The following PGD variants were observed in gnomAD, a reference collection of about 807,000 sequenced individuals.
PGD encodes the protein 6-phosphogluconate dehydrogenase, decarboxylating.
PGD carries 21 observed loss-of-function variants against 60.4 expected under a neutral mutation model. The ratio of observed to expected loss-of-function variants is 0.35; its 90% confidence interval spans 0.25 to 0.50. PGD has a LOEUF of 0.50. Among genes scored for constraint, PGD ranks in the 20% least tolerant of loss-of-function variants. PGD has a pLI of 0.98. For missense variants in PGD, 477 were observed against 613.1 expected, an observed-to-expected ratio of 0.78 and a Z score of 2.34; for synonymous variants, 230 against 235.9, an observed-to-expected ratio of 0.97 and a Z score of 0.23.
intron 4 of PGD, among the ~76,000 whole-genome samples, chr1:10,403,440 A>C (rs1252167678): frequency 6.6e-6 from 1 of 151,950 alleles, no homozygotes; most frequent in Non-Finnish European, 1.5e-5. Flanking sequence ...AAATACAAAA[A>C]ATTAGCCTGG....
Position 10,399,102 on chromosome 1 carries a change from T to G in PGD, c.-16T>G, listed in dbSNP as rs1639262636. The G allele has an allele frequency of 2.5e-6, 4 of 1,609,868 alleles. No individual in the cohort carries two copies. Among genetic ancestry groups the G allele is most frequent in the Middle Eastern group, 1.7e-4 (1 of 5,922 alleles). ...TCCGCGCGTCGCCGCTCTTCGGTTC[T>G]GCTCTGTCCGCCGCCATGGCCCAGT... On this transcript the variant is annotated 5_prime_UTR_variant, in exon 1 of 13. Coordinates refer to ENST00000270776, the MANE Select transcript of PGD (RefSeq NM_002631.4).
intron 4 of PGD, 63 bp downstream of exon 4, chr1:10,403,199 A>G (rs1639343649): frequency 5.3e-6 from 6 of 1,128,208 alleles, no homozygotes; most frequent in South Asian, 1.2e-5. Context: ...AAGTGTCAGC[A>G]TCGCATATGT....
At chr1:10,417,607 G>A in intron 10 of PGD, 98 bp downstream of exon 10, 1 of 1,251,390 alleles carries the variant, frequency 8.0e-7, no homozygotes, top group Non-Finnish European at 1.1e-6. Flanking sequence ...TCCAGGGATG[G>A]GCACTTAGCC....
At chr1:10,411,621 T>A in intron 7 of PGD, 69 bp downstream of exon 7, 1 of 1,582,054 alleles carries the variant, frequency 6.3e-7, no homozygotes, top group South Asian at 1.1e-5. Context: ...ACACCGAATC[T>A]TTTCTTCATT....
At chr1:10,407,989 C>A (rs547223241) in intron 5 of PGD, 82 bp from the exon 6 acceptor site, 1 of 805,922 alleles carries the variant, frequency 1.2e-6, no homozygotes, top group South Asian at 1.3e-5. Flanking sequence ...GGGTTGGTGT[C>A]TATGGGTATG....
chr1:10,419,395 T>C (rs757402952), intron 11 of PGD, 22 bp from the exon 12 acceptor site: 14 of 1,607,274 alleles, frequency 8.7e-6, no homozygotes, highest in Non-Finnish European at 1.1e-5. Context: ...CACTAATCTC[T>C]GGCCGTGCGT....
rs1639324483 is a variant in PGD, at chr1:10,402,031, T to TA, written c.265-1038dup. Among the ~76,000 whole-genome samples, 7 of 144,850 alleles carry TA rather than the reference T, an allele frequency of 4.8e-5. No homozygotes were observed. The East Asian group carries it at 6.7e-4, about 14-fold the overall frequency. On this transcript the variant is annotated intron_variant, in intron 3 of 12. Coordinates refer to ENST00000270776, the MANE Select transcript of PGD (RefSeq NM_002631.4). Reference sequence around the variant, plus strand: ...CTCCGTCTCAAATAAATAAATAAATTAATTAATTAATTAATAAAGTAATAA... The same window carrying TA: ...CTCCGTCTCAAATAAATAAATAAATTAAATTAATTAATTAATAAAGTAATAA...
At position 10,399,136 on chromosome 1, in the gene PGD, C is replaced by A; in HGVS notation, c.8+11C>A. 6.2e-7 allele frequency: 1 copy of A among 1,608,780 alleles called. No individual in the cohort carries two copies. Among genetic ancestry groups the A allele is most frequent in the Non-Finnish European group, 8.5e-7 (1 of 1,179,472 alleles). On this transcript the variant is annotated intron_variant, in intron 1 of 12. Transcript: ENST00000270776. ...CGCCGCCATGGCCCAGTGAGTGACT[C>A]GCCAGGGGCAGCCCGGCTCGGCCTC...
At chr1:10,412,994 T>C (rs1639523816) in intron 7 of PGD, 68 bp from the exon 8 acceptor site, 1 of 1,384,954 alleles carries the variant, frequency 7.2e-7, no homozygotes, top group African/African-American at 1.4e-5. Context: ...GCGTGGACAT[T>C]GGACAAGGGG....
rs764447314 is a variant in PGD, at chr1:10,419,678, C to T, written c.1381C>T (p.Pro461Ser). The T allele has an allele frequency of 1.2e-6, 2 of 1,614,210 alleles. No individual in the cohort carries two copies. Among genetic ancestry groups the T allele is most frequent in the Admixed American group, 3.3e-5 (2 of 60,016 alleles). The change falls in exon 13 of 13, where the codon CCA becomes TCA. Residue 461 changes from proline (P) to serine (S), a missense_variant. Around this residue, in one of 3 missense-constraint regions of PGD, gnomAD observed 44 missense variants for 40.3 expected, o/e 1.09. Coordinates refer to ENST00000270776, the MANE Select transcript of PGD (RefSeq NM_002631.4). ...GAHTYELLAK[P>S]GQFIHTNWTG... is the part of the protein sequence containing the mutation. ...TCACACCTATGAACTCTTGGCCAAACCAGGGCAGTTTATCCACACCAACTG... is the reference window on the plus strand; with the variant it reads ...TCACACCTATGAACTCTTGGCCAAATCAGGGCAGTTTATCCACACCAACTG...
intron 5 of PGD, 58 bp downstream of exon 5, chr1:10,404,337 A>C: frequency 8.9e-7 from 1 of 1,118,376 alleles, no homozygotes; most frequent in Admixed American, 2.4e-5. Flanking sequence ...TTTGAGAACG[A>C]ATAAGCCAGG....
intron 5 of PGD, among the ~76,000 whole-genome samples, chr1:10,405,401 T>TACACACACACACACACACACACACAC: frequency 9.2e-6 from 1 of 108,508 alleles, no homozygotes; most frequent in African/African-American, 2.9e-5. Context: ...AAACAAAAAA[T>TACACACACACACACACACACACACAC]ACACACACAC....
At chr1:10,405,823 G>A (rs917810481) in intron 5 of PGD, among the ~76,000 whole-genome samples, 3 of 147,562 alleles carry the variant, frequency 2.0e-5, no homozygotes, top group African/African-American at 5.1e-5. Context: ...GTGACAGAGC[G>A]AGACTCGGTC....
chr1:10,399,815 C>T, intron 2 of PGD, 111 bp downstream of exon 2: 1 of 910,714 alleles, frequency 1.1e-6, no homozygotes, highest in South Asian at 1.4e-5. Context: ...CTAATGTGCT[C>T]TGTTGCTGCT....
rs767202835 is a variant in PGD, at chr1:10,411,577, G to A, written c.654+25G>A. On this transcript the variant is annotated intron_variant, in intron 7 of 12. Coordinates refer to ENST00000270776, the MANE Select transcript of PGD (RefSeq NM_002631.4). The stretch of plus-strand genomic sequence containing the variant: ...GGTGAGGCCCCGGCACTGCCTCTGT[G>A]TCCGTTCTGCAGGGAGTGCTCACTT... 5.6e-6 allele frequency: 9 copies of A among 1,613,564 alleles called. No homozygotes were observed. In the East Asian group the frequency reaches 1.8e-4, roughly 32 times the overall value.
intron 9 of PGD, 101 bp downstream of exon 9, chr1:10,417,218 G>T: frequency 6.8e-7 from 1 of 1,478,664 alleles, no homozygotes; most frequent in Non-Finnish European, 9.3e-7. Flanking sequence ...GATGGCAGGT[G>T]GAATGAAGTT....
At chr1:10,400,277 A>T in intron 2 of PGD, 116 bp from the exon 3 acceptor site, 2 of 716,158 alleles carry the variant, frequency 2.8e-6, no homozygotes, top group Non-Finnish European at 4.8e-6. Flanking sequence ...GAAAAGGCAA[A>T]GGCAGGTCTG....
At chr1:10,407,339 A>G (rs1639425665) in intron 5 of PGD, among the ~76,000 whole-genome samples, 3 of 152,148 alleles carry the variant, frequency 2.0e-5, no homozygotes, top group African/African-American at 7.2e-5. Flanking sequence ...AGCCCCACCT[A>G]CTTGGGAGGC....
In PGD at chr1:10,419,958, A is replaced by AGCT; in HGVS notation, c.*213_*215dup. Reference sequence around the variant, plus strand: ...CCCTTGCCTCTTGGGACTGACCAGGAGCTGCTCATGTGCGTGAGAGTGGGA... The same window carrying AGCT: ...CCCTTGCCTCTTGGGACTGACCAGGAGCTGCTGCTCATGTGCGTGAGAGTGGGA... On this transcript the variant is annotated 3_prime_UTR_variant, in exon 13 of 13. Coordinates refer to ENST00000270776, the MANE Select transcript of PGD (RefSeq NM_002631.4). The AGCT allele has an allele frequency of 3.5e-6, 2 of 575,454 alleles. No individual in the cohort carries two copies. Among genetic ancestry groups the AGCT allele is most frequent in the South Asian group, 4.0e-5 (2 of 50,544 alleles). The allele number at this position is 575,454 out of a possible 1,614,324, so 35.6% of individuals were successfully genotyped here.
Sources: allele counts gnomAD v4.1 joint callset (sites outside exome capture counted in the v4.1 genomes callset), GRCh38; gene constraint gnomAD v4.1.1; regional missense constraint gnomAD v4.1.1; transcripts MANE v1.5; gene names NCBI Gene and HGNC (gene_info 2026-07-23, HGNC 2026-07-21).